Variants in ADAM12 observed in about 807,000 individuals in gnomAD.
ADAM12 encodes disintegrin and metalloproteinase domain-containing protein 12.
Under a neutral mutation model 106.4 loss-of-function variants are expected in ADAM12, and 70 were observed. That is an observed-to-expected ratio of 0.66 (90% CI 0.54 to 0.80). The LOEUF (loss-of-function observed/expected upper bound fraction) is 0.80, where lower values mean the gene tolerates loss of function less well. ADAM12 is among the 30% of genes least tolerant of loss of function. ADAM12 has a pLI of 0.00. For missense variants in ADAM12, 1,010 were observed against 1,171.9 expected, an observed-to-expected ratio of 0.86 and a Z score of 2.02; for synonymous variants, 420 against 433.5, an observed-to-expected ratio of 0.97 and a Z score of 0.39.
intron 1 of ADAM12, among the ~76,000 whole-genome samples, chr10:126,385,095 T>A (rs1486718491): frequency 6.6e-6 from 1 of 152,166 alleles, no homozygotes; most frequent in Non-Finnish European, 1.5e-5. Flanking sequence ...ATGAAGGATG[T>A]AATTAGGGAC....
At position 126,087,974 on chromosome 10, in the gene ADAM12, GA is replaced by G; in HGVS notation, c.1145+6010del. Among the ~76,000 whole-genome samples the G allele has an allele frequency of 4.6e-5, 7 of 152,324 alleles. 1 individual carries two copies. The South Asian group carries it at 1.4e-3, about 32-fold the overall frequency. ...ATTTAATTCTTCCGAGATCGGTTTA[GA>G]CTGGACTCTATTCCAGGATATCTTT... On this transcript the variant is annotated intron_variant, in intron 11 of 22. Transcript: ENST00000448723.
intron 2 of ADAM12, among the ~76,000 whole-genome samples, chr10:126,302,303 CACTA>C (rs1362538048): frequency 6.6e-6 from 1 of 152,210 alleles, no homozygotes; most frequent in African/African-American, 2.4e-5. Context: ...ATTAAATTCT[CACTA>C]ACTTGTTCCT....
At chr10:126,046,570 C>T (rs769733163) in intron 16 of ADAM12, among the ~76,000 whole-genome samples, 4 of 151,678 alleles carry the variant, frequency 2.6e-5, no homozygotes, top group Admixed American at 6.6e-5. Flanking sequence ...TTTGGGAGGC[C>T]GAGGCAGGCA....
chr10:126,071,358 C>T, intron 12 of ADAM12, 119 bp downstream of exon 12: 1 of 1,269,088 alleles, frequency 7.9e-7, no homozygotes. Context: ...GCAGATAGGA[C>T]TCTTCCTTCC....
intron 21 of ADAM12, among the ~76,000 whole-genome samples, chr10:126,025,772 C>A (rs1180060284): frequency 6.6e-6 from 1 of 152,172 alleles, no homozygotes; most frequent in Non-Finnish European, 1.5e-5. Flanking sequence ...CCCTACCTGG[C>A]AAGACAGGCC....
At position 126,225,800 on chromosome 10, in the gene ADAM12, C is replaced by T. The variant is rs150101697; in HGVS notation, c.260+53115G>A. ...GGCTGGGAACGTTGCTCCTCTCTGACCTTCCTGGAACTGCAACTGGGAATT... is the reference window on the plus strand; with the variant it reads ...GGCTGGGAACGTTGCTCCTCTCTGATCTTCCTGGAACTGCAACTGGGAATT... On this transcript the variant is annotated intron_variant, in intron 3 of 22. Coordinates refer to ENST00000448723, the MANE Select transcript of ADAM12 (RefSeq NM_001288973.2). Among the ~76,000 whole-genome samples, 911 of 152,304 alleles carry T rather than the reference C, an allele frequency of 6.0e-3. 7 individuals carry two copies. The highest frequency in any genetic ancestry group is 0.021 in the African/African-American group (857 of 41,550).
chr10:126,326,683 C>T (rs139256458), intron 2 of ADAM12, among the ~76,000 whole-genome samples: 3 of 152,258 alleles, frequency 2.0e-5, no homozygotes, highest in East Asian at 3.9e-4. Context: ...CTCACTTGCA[C>T]GTCCTGCTCC....
chr10:126,196,274 A>G (rs1957595783), intron 3 of ADAM12, among the ~76,000 whole-genome samples: 1 of 152,250 alleles, frequency 6.6e-6, no homozygotes. Flanking sequence ...GATATCTGTC[A>G]GGCAGAAAAG....
intron 5 of ADAM12, among the ~76,000 whole-genome samples, chr10:126,129,138 T>G (rs1267233055): frequency 1.3e-5 from 2 of 152,230 alleles, no homozygotes; most frequent in Non-Finnish European, 2.9e-5. Flanking sequence ...CCTGAAGAAA[T>G]TCAGCTTCAG....
intron 8 of ADAM12, among the ~76,000 whole-genome samples, chr10:126,106,623 C>T (rs1157790106): frequency 6.6e-6 from 1 of 151,780 alleles, no homozygotes; most frequent in Non-Finnish European, 1.5e-5. Flanking sequence ...GTAGCTGGGA[C>T]TACAGGCGCA....
intron 3 of ADAM12, among the ~76,000 whole-genome samples, chr10:126,230,727 C>T (rs767292104): frequency 1.3e-5 from 2 of 152,184 alleles, no homozygotes; most frequent in Non-Finnish European, 2.9e-5. Flanking sequence ...GTGTGAACGT[C>T]TTTTGCTTCC....
chr10:126,359,304 A>G lies in ADAM12; in HGVS notation c.88+28754T>C, dbSNP rs554412885. On this transcript the variant is annotated intron_variant, in intron 1 of 22. Coordinates refer to ENST00000448723, the MANE Select transcript of ADAM12 (RefSeq NM_001288973.2). ...TCAAAACCAATCATGCCTTCCCAACAGTCCCCCAAAGTCTTAACTCATTAC... is the reference window on the plus strand; with the variant it reads ...TCAAAACCAATCATGCCTTCCCAACGGTCCCCCAAAGTCTTAACTCATTAC... 2.3e-3 allele frequency among the ~76,000 whole-genome samples: 355 copies of G among 152,276 alleles called. 7 individuals are homozygous for G. In the South Asian group the frequency reaches 0.024, roughly 10 times the overall value.
At chr10:126,123,438 A>G (rs2133639931) in intron 5 of ADAM12, among the ~76,000 whole-genome samples, 1 of 152,292 alleles carries the variant, frequency 6.6e-6, no homozygotes, top group East Asian at 1.9e-4. Context: ...AATGTTTGGG[A>G]AAGATGAAGA....
At chr10:126,339,906 G>A (rs994148503) in intron 1 of ADAM12, among the ~76,000 whole-genome samples, 40 of 142,734 alleles carry the variant, frequency 2.8e-4, no homozygotes, top group African/African-American at 9.5e-4. Context: ...CCAGGCTGGA[G>A]TGCAGTGGCC....
At chr10:126,119,650 G>T (rs1333393000) in intron 5 of ADAM12, among the ~76,000 whole-genome samples, 1 of 152,180 alleles carries the variant, frequency 6.6e-6, no homozygotes, top group Non-Finnish European at 1.5e-5. Context: ...GTTTGGGAAA[G>T]AAAGCATAGA....
chr10:126,069,690 A>G (rs2133493237), intron 12 of ADAM12, among the ~76,000 whole-genome samples: 1 of 152,310 alleles, frequency 6.6e-6, no homozygotes, highest in Middle Eastern at 3.4e-3. Context: ...AGCGATGTGG[A>G]TACTGGTGTG....
At chr10:126,266,574 C>T (rs900383621) in intron 3 of ADAM12, among the ~76,000 whole-genome samples, 4 of 152,174 alleles carry the variant, frequency 2.6e-5, no homozygotes, top group Non-Finnish European at 5.9e-5. Context: ...CACTGAATAC[C>T]ATATCCCTTA....
intron 11 of ADAM12, among the ~76,000 whole-genome samples, chr10:126,088,904 C>A (rs565657898): frequency 1.3e-5 from 2 of 152,156 alleles, no homozygotes; most frequent in East Asian, 3.9e-4. Context: ...TCTCCTTAAA[C>A]GTGGTCATTT....
intron 3 of ADAM12, among the ~76,000 whole-genome samples, chr10:126,257,220 G>T (rs1233107489): frequency 6.6e-6 from 1 of 152,166 alleles, no homozygotes; most frequent in Non-Finnish European, 1.5e-5. Flanking sequence ...ACCCTCCAAA[G>T]ACAGTACCGG....
Sources: allele counts gnomAD v4.1 joint callset (sites outside exome capture counted in the v4.1 genomes callset), GRCh38; gene constraint gnomAD v4.1.1; transcripts MANE v1.5; gene names NCBI Gene and HGNC (gene_info 2026-07-23, HGNC 2026-07-21).